Variants in CBFA2T3 observed in about 807,000 individuals in gnomAD.
CBFA2T3 encodes the protein CBFA2/RUNX1 partner transcriptional co-repressor 3.
Under a neutral mutation model 58.6 loss-of-function variants are expected in CBFA2T3, and 31 were observed. The observed-to-expected ratio is 0.53, with a 90% confidence interval of 0.40 to 0.71. The LOEUF (loss-of-function observed/expected upper bound fraction) is 0.71, where lower values mean the gene tolerates loss of function less well. Among genes scored for constraint, CBFA2T3 ranks in the 30% least tolerant of loss-of-function variants. The pLI is 0.00. For missense variants in CBFA2T3, 1,076 were observed against 963.1 expected, an observed-to-expected ratio of 1.12 and a Z score of -1.55; for synonymous variants, 531 against 421.9, an observed-to-expected ratio of 1.26 and a Z score of -3.17.
In CBFA2T3 at chr16:88,914,317, G is replaced by A. The variant is rs113885983; in HGVS notation, c.152-12661C>T. Reference sequence around the variant, plus strand: ...GGATCGGAGGCCTTGGGGACAGGTCGGAAAACGTTTGTCAGGCCCATAGCC... The same window carrying A: ...GGATCGGAGGCCTTGGGGACAGGTCAGAAAACGTTTGTCAGGCCCATAGCC... On this transcript the variant is annotated intron_variant, in intron 1 of 11. Coordinates refer to ENST00000268679, the MANE Select transcript of CBFA2T3 (RefSeq NM_005187.6). 7.3e-3 allele frequency among the ~76,000 whole-genome samples: 1,116 copies of A among 152,310 alleles called. 21 individuals are homozygous for A. The highest frequency in any genetic ancestry group is 0.026 in the African/African-American group (1,069 of 41,556).
intron 11 of CBFA2T3, among the ~76,000 whole-genome samples, chr16:88,878,900 C>T (rs1968949084): frequency 6.6e-6 from 1 of 152,168 alleles, no homozygotes; most frequent in African/African-American, 2.4e-5. Context: ...GAGCCGAGGT[C>T]ATGCCACAGC....
intron 1 of CBFA2T3, among the ~76,000 whole-genome samples, chr16:88,904,782 G>C (rs1437623845): frequency 6.6e-6 from 1 of 152,222 alleles, no homozygotes; most frequent in Non-Finnish European, 1.5e-5. Context: ...GTTGAATCCT[G>C]TGTGAGTGCT....
At chr16:88,932,086 C>T (rs1055140496) in intron 1 of CBFA2T3, among the ~76,000 whole-genome samples, 14 of 152,138 alleles carry the variant, frequency 9.2e-5, no homozygotes, top group African/African-American at 2.4e-4. Flanking sequence ...CCTGCACGTG[C>T]GCCCCTGGCA....
chr16:88,882,116 C>G (rs559882467), intron 8 of CBFA2T3, among the ~76,000 whole-genome samples: 3 of 152,234 alleles, frequency 2.0e-5, no homozygotes, highest in Non-Finnish European at 2.9e-5. Context: ...GCCTGGGCTG[C>G]GCTGACAGCT....
At chr16:88,902,011 G>A (rs1830009516) in intron 1 of CBFA2T3, among the ~76,000 whole-genome samples, 1 of 152,212 alleles carries the variant, frequency 6.6e-6, no homozygotes, top group Non-Finnish European at 1.5e-5. Flanking sequence ...ACCTCCATGA[G>A]CATCCCCCGG....
In CBFA2T3 at chr16:88,956,940, C is replaced by T. The variant is rs1340192030; in HGVS notation, c.151+19717G>A. ...GTACTTTGCCAGGGCCTCTGAAATG[C>T]AGAGGCTGAACCACAGAAGAAGTGG... is the stretch of plus-strand genomic sequence containing the variant. On this transcript the variant is annotated intron_variant, in intron 1 of 11. Coordinates refer to ENST00000268679, the MANE Select transcript of CBFA2T3 (RefSeq NM_005187.6). Among the ~76,000 whole-genome samples, 3 of 152,250 alleles carry T rather than the reference C, an allele frequency of 2.0e-5. No individual in the cohort carries two copies. In the East Asian group the frequency reaches 5.8e-4, roughly 29 times the overall value.
chr16:88,911,349 G>T (rs543672991), intron 1 of CBFA2T3, among the ~76,000 whole-genome samples: 2 of 152,260 alleles, frequency 1.3e-5, no homozygotes, highest in Non-Finnish European at 1.5e-5. Context: ...CTGTGAACTC[G>T]GGGTGGGGGC....
intron 1 of CBFA2T3, among the ~76,000 whole-genome samples, chr16:88,919,374 T>C (rs1335545076): frequency 6.6e-6 from 1 of 152,240 alleles, no homozygotes; most frequent in African/African-American, 2.4e-5. Flanking sequence ...GAGTGTACCC[T>C]TTCTGCAGAA....
rs558986845 is a variant in CBFA2T3 at position 88,887,521 on chromosome 16, C to T, written c.712-1379G>A. 3.9e-5 allele frequency among the ~76,000 whole-genome samples: 6 copies of T among 152,248 alleles called. No individual in the cohort carries two copies. The East Asian group carries it at 1.2e-3, about 29-fold the overall frequency. ...ATCCCCCAGCTTCTGGAAGGCCTGA[C>T]CCTTGGGCTGCGTGTGGGGCAGGCT... On this transcript the variant is annotated intron_variant, in intron 5 of 11. Transcript: ENST00000268679.
chr16:88,962,513 C>T (rs1972391149), intron 1 of CBFA2T3, among the ~76,000 whole-genome samples: 1 of 152,214 alleles, frequency 6.6e-6, no homozygotes, highest in Non-Finnish European at 1.5e-5. Flanking sequence ...ATTACCCATG[C>T]CTGTCGTGAG....
intron 1 of CBFA2T3, among the ~76,000 whole-genome samples, chr16:88,905,699 A>AG (rs1041914704): frequency 3.5e-4 from 17 of 48,058 alleles, no homozygotes; most frequent in East Asian, 2.0e-3. Flanking sequence ...GGGCTGAAGG[A>AG]GGGGCGGGGC....
chr16:88,963,519 G>A (rs138542741), intron 1 of CBFA2T3, among the ~76,000 whole-genome samples: 4,789 of 152,086 alleles, frequency 0.031, 99 homozygotes, highest in Non-Finnish European at 0.052. Flanking sequence ...AGTGAATCCC[G>A]GCCCCAGGAG....
intron 1 of CBFA2T3, among the ~76,000 whole-genome samples, chr16:88,925,836 G>T (rs369280963): frequency 6.6e-6 from 1 of 152,344 alleles, no homozygotes; most frequent in East Asian, 1.9e-4. Flanking sequence ...AGGGAGCCCC[G>T]GTACCAAGGA....
chr16:88,912,706 C>G (rs1157623239), intron 1 of CBFA2T3, among the ~76,000 whole-genome samples: 3 of 152,228 alleles, frequency 2.0e-5, no homozygotes, highest in African/African-American at 7.2e-5. Context: ...GGTTTGCTGA[C>G]TGGCGCATAA....
intron 1 of CBFA2T3, among the ~76,000 whole-genome samples, chr16:88,975,174 C>CAGCCATGTCAGAGG (rs1567643947): frequency 4.1e-4 from 55 of 132,964 alleles, no homozygotes; most frequent in Admixed American, 9.0e-4. Flanking sequence ...ACCCTCTCTG[C>CAGCCATGTCAGAGG]TCCACATCTT....
intron 5 of CBFA2T3, among the ~76,000 whole-genome samples, chr16:88,888,703 C>CGCAA (rs989953680): frequency 2.3e-4 from 34 of 149,232 alleles, no homozygotes; most frequent in Admixed American, 8.0e-4. Flanking sequence ...CAGGACTGGC[C>CGCAA]GCAAGATCTT....
chr16:88,945,057 T>G (rs1971867861), intron 1 of CBFA2T3, among the ~76,000 whole-genome samples: 1 of 152,188 alleles, frequency 6.6e-6, no homozygotes, highest in Non-Finnish European at 1.5e-5. Context: ...CTGTTATAAC[T>G]AAAACTCTGC....
intron 2 of CBFA2T3, among the ~76,000 whole-genome samples, chr16:88,900,003 T>A (rs940029971): frequency 8.5e-5 from 13 of 152,088 alleles, no homozygotes; most frequent in African/African-American, 2.9e-4. Context: ...CCCGGCCACA[T>A]CGCCGTGTGA....
intron 3 of CBFA2T3, among the ~76,000 whole-genome samples, chr16:88,893,032 G>C (rs1199571969): frequency 6.6e-6 from 1 of 152,176 alleles, no homozygotes; most frequent in Non-Finnish European, 1.5e-5. Flanking sequence ...TCGGGGGCTT[G>C]ATGGCTCACT....
Sources: allele counts gnomAD v4.1 joint callset (sites outside exome capture counted in the v4.1 genomes callset), GRCh38; gene constraint gnomAD v4.1.1; transcripts MANE v1.5; gene names NCBI Gene and HGNC (gene_info 2026-07-23, HGNC 2026-07-21).